The following TRPV1 variants were observed in gnomAD, a reference collection of about 807,000 sequenced individuals.
The protein encoded by TRPV1 is OTRPC1.
TRPV1 carries 82 observed loss-of-function variants against 82.3 expected under a neutral mutation model. The ratio of observed to expected loss-of-function variants is 1.00; its 90% CI spans 0.83 to 1.20. TRPV1 has a LOEUF of 1.20. TRPV1 is among the 50% of genes most tolerant of loss of function. TRPV1 has a pLI of 0.00. For synonymous variants in TRPV1, 515 were observed against 467.7 expected (o/e 1.10, Z -1.30); for missense variants, 1,067 against 1,096.8 (o/e 0.97, Z 0.38).
At chr17:3,570,885 TGTA>T (rs2074843423) in intron 16 of TRPV1, among the ~76,000 whole-genome samples, 2 of 152,128 alleles carry the variant, frequency 1.3e-5, no homozygotes, top group African/African-American at 2.4e-5. Flanking sequence ...GGCTAATTTT[TGTA>T]TTTTTTTTAG....
At chr17:3,605,401 T>C (rs973990862) in intron 2 of TRPV1, among the ~76,000 whole-genome samples, 7 of 151,924 alleles carry the variant, frequency 4.6e-5, no homozygotes, top group African/African-American at 1.7e-4. Context: ...TCCCAGCTAC[T>C]CGCGAGGCTG....
chr17:3,569,700 T>G (rs2074821231), intron 16 of TRPV1, among the ~76,000 whole-genome samples: 1 of 152,170 alleles, frequency 6.6e-6, no homozygotes, highest in South Asian at 2.1e-4. Context: ...TTGGGGCAGA[T>G]GAGTTCCCCA....
rs1189909019 is a variant in TRPV1 at position 3,569,541 on chromosome 17, G to A, written c.2347+1983C>T. On this transcript the variant is annotated intron_variant, in intron 16 of 16. Coordinates refer to ENST00000572705, the MANE Select transcript of TRPV1 (RefSeq NM_080704.4). ...AGGGACATTTCCCCAACTACAACGC[G>A]GTGAGCTGCAGTCTAAGAAGAGCAT... Among the ~76,000 whole-genome samples the A allele has an allele frequency of 5.3e-5, 8 of 152,196 alleles. No homozygotes were observed. In the South Asian group the frequency reaches 6.2e-4, roughly 12 times the overall value.
At chr17:3,584,128 G>A (rs1001882233) in intron 9 of TRPV1, among the ~76,000 whole-genome samples, 2 of 151,982 alleles carry the variant, frequency 1.3e-5, no homozygotes, top group African/African-American at 4.8e-5. Flanking sequence ...AAATTAGCCA[G>A]GCGTGGTAGC....
intron 13 of TRPV1, 99 bp downstream of exon 13, chr17:3,577,027 G>C: frequency 7.9e-7 from 1 of 1,269,130 alleles, no homozygotes; most frequent in Non-Finnish European, 1.1e-6. Context: ...ACATGCACCT[G>C]CCTACCCAGT....
intron 16 of TRPV1, among the ~76,000 whole-genome samples, chr17:3,570,901 G>C (rs985034830): frequency 6.6e-6 from 1 of 152,020 alleles, no homozygotes; most frequent in Non-Finnish European, 1.5e-5. Flanking sequence ...TTTTTTAGTA[G>C]AGATGGGGTT....
chr17:3,607,779 C>T (rs927880489), intron 2 of TRPV1, among the ~76,000 whole-genome samples: 1 of 151,946 alleles, frequency 6.6e-6, no homozygotes, highest in African/African-American at 2.4e-5. Context: ...TCAGGTGATC[C>T]ACCCGCCTCG....
At chr17:3,596,274 CT>C (rs1335127742) in intron 2 of TRPV1, among the ~76,000 whole-genome samples, 5 of 148,974 alleles carry the variant, frequency 3.4e-5, no homozygotes, top group Non-Finnish European at 5.9e-5. Flanking sequence ...TGTGGCTCCC[CT>C]GCTCCTCTCT....
chr17:3,606,188 C>T (rs2075295102), intron 2 of TRPV1, among the ~76,000 whole-genome samples: 1 of 152,180 alleles, frequency 6.6e-6, no homozygotes, highest in Non-Finnish European at 1.5e-5. Context: ...CTCGGAACTC[C>T]TGACCTCAAG....
intron 10 of TRPV1, among the ~76,000 whole-genome samples, chr17:3,583,090 G>A (rs146308580): frequency 9.5e-4 from 145 of 152,164 alleles, no homozygotes; most frequent in African/African-American, 3.2e-3. Context: ...CAAATACTCC[G>A]TTCCGTGGAG....
intron 2 of TRPV1, among the ~76,000 whole-genome samples, chr17:3,607,746 A>T (rs775553420): frequency 5.3e-4 from 80 of 151,928 alleles, no homozygotes; most frequent in Non-Finnish European, 1.0e-3. Context: ...CACGTTGGCC[A>T]GGTTGGTTTC....
At chr17:3,588,826 A>AAAAC in intron 7 of TRPV1, 20 of 1,275,900 alleles carry the variant, frequency 1.6e-5, no homozygotes, top group South Asian at 2.8e-5. Context: ...AAAAAAAAAA[A>AAAAC]AAAACAAAAC....
At chr17:3,590,522 C>T (rs548308579) in intron 5 of TRPV1, 130 bp from the exon 6 acceptor site, 7 of 1,381,060 alleles carry the variant, frequency 5.1e-6, no homozygotes, top group Non-Finnish European at 5.8e-6. Context: ...CCTGGAGGAC[C>T]CCCCCACTGC....
chr17:3,586,625 G>C (rs1230933067), intron 8 of TRPV1, among the ~76,000 whole-genome samples: 1 of 152,082 alleles, frequency 6.6e-6, no homozygotes, highest in Non-Finnish European at 1.5e-5. Context: ...ACAAAAATTA[G>C]CCAGGCATGG....
At chr17:3,594,287 G>A (rs10438718) in intron 2 of TRPV1, among the ~76,000 whole-genome samples, 24,107 of 151,598 alleles carry the variant, frequency 0.16, 6,229 homozygotes, top group African/African-American at 0.54. Context: ...GAAAACAGCC[G>A]CAGAAGAAAT....
In TRPV1 at chr17:3,588,086, C is replaced by A. The variant is rs78370906; in HGVS notation, c.1224+102G>T. Reference sequence around the variant, plus strand: ...AGGGCCTGGGCCCGGGCGCAGCAGGCTTTCCCTCCTGAGAAGCCAGCTGGA... The same window carrying A: ...AGGGCCTGGGCCCGGGCGCAGCAGGATTTCCCTCCTGAGAAGCCAGCTGGA... On this transcript the variant is annotated intron_variant, in intron 8 of 16. Transcript: ENST00000572705. The A allele has an allele frequency of 8.4e-4, 1,173 of 1,399,716 alleles. 7 individuals are homozygous for A. The African/African-American group carries it at 0.015, about 18-fold the overall frequency. The allele number at this position is 1,399,716 out of a possible 1,614,324, so 86.7% of individuals were successfully genotyped here.
intron 2 of TRPV1, among the ~76,000 whole-genome samples, chr17:3,599,898 C>T (rs918684176): frequency 2.0e-5 from 3 of 152,182 alleles, no homozygotes; most frequent in Non-Finnish European, 2.9e-5. Flanking sequence ...GGATTACAGG[C>T]ATGAGCCATC....
chr17:3,600,102 G>A lies in TRPV1; in HGVS notation c.-33-7719C>T, dbSNP rs75005297. 9.5e-4 allele frequency among the ~76,000 whole-genome samples: 145 copies of A among 152,212 alleles called. 5 individuals are homozygous for A. In the East Asian group the frequency reaches 0.023, roughly 25 times the overall value. ...CCTGTCCCTGCTTTCCATTCTTTTG[G>A]GCACATATAGACCCAGAAGTGGGAT... On this transcript the variant is annotated intron_variant, in intron 2 of 16. Transcript: ENST00000572705.
chr17:3,581,924 C>T (rs543358913), intron 10 of TRPV1, among the ~76,000 whole-genome samples: 144 of 144,680 alleles, frequency 1.0e-3, no homozygotes, highest in African/African-American at 3.4e-3. Context: ...GGCACAGTGG[C>T]TCACACCTGT....
Sources: allele counts gnomAD v4.1 joint callset (sites outside exome capture counted in the v4.1 genomes callset), GRCh38; gene constraint gnomAD v4.1.1; transcripts MANE v1.5; gene names NCBI Gene and HGNC (gene_info 2026-07-23, HGNC 2026-07-21).